Variants in STRN observed in about 807,000 individuals in gnomAD.
STRN encodes protein phosphatase 2 regulatory subunit B'''alpha.
In STRN, 53 loss-of-function variants were observed where a neutral mutation model predicts 96.3. That is an observed-to-expected ratio of 0.55 (90% confidence interval 0.44 to 0.69). The LOEUF (loss-of-function observed/expected upper bound fraction) is 0.69, where lower values mean the gene tolerates loss of function less well. STRN is among the 30% of genes least tolerant of loss of function. The probability of loss-of-function intolerance (pLI) is 0.00; values close to 1 mark genes in which losing one functional copy is unlikely to be tolerated. For missense variants in STRN, 987 were observed against 963.9 expected (o/e 1.02, Z -0.32); for synonymous variants, 428 against 355.9 (o/e 1.20, Z -2.28).
intron 2 of STRN, among the ~76,000 whole-genome samples, chr2:36,917,044 T>TA (rs1249631668): frequency 0.024 from 1,872 of 78,798 alleles, 40 homozygotes; most frequent in African/African-American, 0.11. Context: ...GAATGATCAA[T>TA]AAAAAAATAA....
At chr2:36,915,285 A>C (rs532470608) in intron 3 of STRN, among the ~76,000 whole-genome samples, 221 of 137,414 alleles carry the variant, frequency 1.6e-3, no homozygotes, top group Middle Eastern at 4.2e-3. Flanking sequence ...AGCCTCTAGC[A>C]CAAGGTACGT....
intron 6 of STRN, among the ~76,000 whole-genome samples, chr2:36,898,951 G>A (rs887066936): frequency 2.0e-5 from 3 of 152,090 alleles, no homozygotes; most frequent in African/African-American, 7.2e-5. Flanking sequence ...GAGGGAAGAA[G>A]AGAAGAAAAT....
chr2:36,900,352 C>G (rs940738709), intron 5 of STRN, among the ~76,000 whole-genome samples: 8 of 152,128 alleles, frequency 5.3e-5, no homozygotes, highest in Non-Finnish European at 1.0e-4. Context: ...TCCCTTTGAC[C>G]TCTTACATAA....
chr2:36,861,777 T>A (rs1485584443), intron 12 of STRN, among the ~76,000 whole-genome samples: 22 of 151,596 alleles, frequency 1.5e-4, no homozygotes, highest in Admixed American at 1.3e-3. Flanking sequence ...CTCACAAAAC[T>A]TTTTAACTTT....
Position 36,839,623 on chromosome 2 carries a change from G to A in STRN, c.*9833C>T, listed in dbSNP as rs1286617470. 1.3e-5 allele frequency among the ~76,000 whole-genome samples: 2 copies of A among 152,178 alleles called. No homozygotes were observed. The highest frequency in any genetic ancestry group is 2.9e-5 in the Non-Finnish European group (2 of 68,022). The stretch of plus-strand genomic sequence containing the variant: ...ATTTCATAGATGAGAAGCCAATTTA[G>A]AAGAGTTGACTTGTCTAAAATCTAA... On this transcript the variant is annotated 3_prime_UTR_variant, in exon 18 of 18. Coordinates refer to ENST00000263918, the MANE Select transcript of STRN (RefSeq NM_003162.4).
intron 3 of STRN, among the ~76,000 whole-genome samples, chr2:36,913,925 T>A (rs955367656): frequency 6.6e-6 from 1 of 152,144 alleles, no homozygotes; most frequent in Non-Finnish European, 1.5e-5. Flanking sequence ...CAAACTTACA[T>A]CTACCTGCTT....
intron 2 of STRN, among the ~76,000 whole-genome samples, chr2:36,916,675 T>G (rs187077810): frequency 9.5e-4 from 144 of 152,260 alleles, no homozygotes; most frequent in African/African-American, 3.1e-3. Flanking sequence ...GCCCAAATCA[T>G]CAATGTTGAA....
chr2:36,966,509 A>G lies in STRN; in HGVS notation c.-46T>C, dbSNP rs1349499498. ...GAGCTGCCCCGGCGCCCAGCAGCGG[A>G]GGCAACAGCGGCGGCAAGCAGCGCC... On this transcript the variant is annotated 5_prime_UTR_variant, in exon 1 of 18. Transcript: ENST00000263918. 7.6e-7 allele frequency: 1 copy of G among 1,320,180 alleles called. No homozygotes were observed. Among genetic ancestry groups the G allele is most frequent in the Admixed American group, 3.6e-5 (1 of 27,416 alleles). 81.8% of individuals were successfully genotyped at this position (1,320,180 alleles called of 1,614,324 possible). A position where few individuals can be genotyped will look rare whatever the true frequency, so the allele number is the denominator to read the frequency against.
intron 15 of STRN, among the ~76,000 whole-genome samples, chr2:36,852,688 T>C (rs956184226): frequency 1.3e-5 from 2 of 152,314 alleles, no homozygotes; most frequent in Admixed American, 1.3e-4. Flanking sequence ...GTTTAAAAAA[T>C]TTTTTGAACC....
chr2:36,900,458 A>C (rs986671326), intron 5 of STRN, among the ~76,000 whole-genome samples: 1 of 152,234 alleles, frequency 6.6e-6, no homozygotes, highest in Non-Finnish European at 1.5e-5. Flanking sequence ...AAATGTGTAC[A>C]TAAAGTTACT....
chr2:36,964,739 G>C, intron 1 of STRN, among the ~76,000 whole-genome samples: 1 of 152,150 alleles, frequency 6.6e-6, no homozygotes. Context: ...CGCTATTCCT[G>C]AACTCTGACT....
At chr2:36,957,743 T>C (rs1664924983) in intron 1 of STRN, among the ~76,000 whole-genome samples, 1 of 117,480 alleles carries the variant, frequency 8.5e-6, no homozygotes. Flanking sequence ...CTTCTTTTTG[T>C]CTTTTTTTTT....
intron 12 of STRN, among the ~76,000 whole-genome samples, chr2:36,861,762 C>T (rs1157550149): frequency 1.6e-5 from 2 of 128,858 alleles, no homozygotes; most frequent in Non-Finnish European, 3.4e-5. Context: ...CACACACACA[C>T]ACTTCTCACA....
At chr2:36,883,065 T>C (rs903824295) in intron 9 of STRN, among the ~76,000 whole-genome samples, 17 of 152,218 alleles carry the variant, frequency 1.1e-4, no homozygotes, top group African/African-American at 3.9e-4. Context: ...ATGAAAATCA[T>C]TTGTATGATT....
intron 1 of STRN, among the ~76,000 whole-genome samples, chr2:36,952,962 T>C (rs1664797538): frequency 6.6e-6 from 1 of 152,288 alleles, no homozygotes; most frequent in South Asian, 2.1e-4. Context: ...AAGGAACAAA[T>C]CCCAGAATGG....
intron 1 of STRN, among the ~76,000 whole-genome samples, chr2:36,944,648 G>C (rs1049851645): frequency 6.6e-6 from 1 of 151,738 alleles, no homozygotes; most frequent in Non-Finnish European, 1.5e-5. Flanking sequence ...ATAAATTATA[G>C]AACAAAAAAA....
intron 1 of STRN, among the ~76,000 whole-genome samples, chr2:36,933,663 G>A (rs926888224): frequency 1.3e-5 from 2 of 152,136 alleles, no homozygotes; most frequent in Non-Finnish European, 2.9e-5. Flanking sequence ...GGAGTGCAAT[G>A]GCACGATCAC....
intron 3 of STRN, among the ~76,000 whole-genome samples, chr2:36,913,668 T>C (rs777860140): frequency 1.1e-4 from 16 of 152,210 alleles, no homozygotes; most frequent in Non-Finnish European, 1.9e-4. Context: ...TCACTGGATT[T>C]GGTACTAGGT....
rs759945372 is a variant in STRN, at chr2:36,847,781, G to A, written c.*1675C>T. The A allele has an allele frequency of 3.3e-5, 5 of 152,110 alleles. No individual in the cohort carries two copies. Among genetic ancestry groups the A allele is most frequent in the African/African-American group, 1.2e-4 (5 of 41,422 alleles). The allele number at this position is 152,110 out of a possible 1,614,324, so 9.4% of individuals were successfully genotyped here. A position where few individuals can be genotyped will look rare whatever the true frequency, so the allele number is the denominator to read the frequency against. The stretch of plus-strand genomic sequence containing the variant: ...TCAATCATTAGCCACACCACCACCA[G>A]AATACTTTTTCAAGGAGTAGATGTA... On this transcript the variant is annotated 3_prime_UTR_variant, in exon 18 of 18. Coordinates refer to ENST00000263918, the MANE Select transcript of STRN (RefSeq NM_003162.4).
Sources: gnomAD v4.1 joint callset for allele counts (sites outside exome capture counted in the v4.1 genomes callset) on GRCh38, gnomAD v4.1.1 for gene constraint, MANE v1.5 for transcripts, NCBI Gene and HGNC (gene_info 2026-07-23, HGNC 2026-07-21) for gene names.